The following TTN variants were observed in gnomAD, a reference collection of about 807,000 sequenced individuals.
TTN encodes connectin.
Under a neutral mutation model 3,223.0 loss-of-function variants are expected in TTN, and 1,525 were observed. The observed-to-expected ratio is 0.47, with a 90% confidence interval of 0.45 to 0.49. The LOEUF (loss-of-function observed/expected upper bound fraction) is 0.49, where lower values mean the gene tolerates loss of function less well. Ranked by LOEUF, TTN falls within the 20% of genes least tolerant of loss-of-function variation. The pLI is 0.00. For synonymous variants in TTN, 14,094 were observed against 15,161.0 expected (o/e 0.93, Z 5.17); for missense variants, 40,786 against 43,424.0 (o/e 0.94, Z 5.40).
intron 136 of TTN, 81 bp downstream of exon 136, chr2:178,681,580 C>A (rs1000081019): frequency 6.7e-7 from 1 of 1,491,642 alleles, no homozygotes; most frequent in Non-Finnish European, 9.2e-7. Flanking sequence ...TACACTGCCA[C>A]TTTTACATAT....
intron 27 of TTN, 29 bp downstream of exon 27, chr2:178,777,120 G>T (rs1462264632): frequency 6.2e-7 from 1 of 1,613,952 alleles, no homozygotes; most frequent in Non-Finnish European, 8.5e-7. Flanking sequence ...TTTGTATAAT[G>T]AGCTTAGCTT....
intron 147 of TTN, among the ~76,000 whole-genome samples, chr2:178,676,293 T>C (rs937509852): frequency 2.6e-5 from 4 of 151,924 alleles, no homozygotes; most frequent in Non-Finnish European, 4.4e-5. Context: ...TATCATTTCA[T>C]ACATTTAAAT....
chr2:178,616,237 A>AT (rs1011621259), intron 257 of TTN, among the ~76,000 whole-genome samples: 49 of 148,636 alleles, frequency 3.3e-4, no homozygotes, highest in African/African-American at 7.4e-4. Context: ...TCAGTAGGGA[A>AT]TTTTTTTTTT....
Position 178,647,116 on chromosome 2 carries a change from A to T in TTN, c.40170T>A (p.Tyr13390Ter), listed in dbSNP as rs1449716392. Residue 13390 changes from tyrosine (Y) to a stop codon, truncating the protein, a stop_gained, in exon 215 of 363, where the codon TAT becomes TAA. Transcript: ENST00000589042. LOFTEE classifies it high-confidence loss of function. ...EVEETPEEIIYEEKASITIGR... is the reference protein window; with the variant it reads ...EVEETPEEII ...CAATGGTTATAGATGCTTTTTCTTC[A>T]TATATTATTTCCTCAGGAGTCTCTT... 2 of 1,437,696 alleles carry T rather than the reference A, an allele frequency of 1.4e-6. No homozygotes were observed. The highest frequency in any genetic ancestry group is 2.6e-5 in the East Asian group (1 of 38,352). The allele number at this position is 1,437,696 out of a possible 1,614,324, so 89.1% of individuals were successfully genotyped here. A position where few individuals can be genotyped will look rare whatever the true frequency, so the allele number is the denominator to read the frequency against.
intron 74 of TTN, 27 bp downstream of exon 74, chr2:178,723,391 A>G: frequency 6.2e-7 from 1 of 1,604,954 alleles, no homozygotes; most frequent in Non-Finnish European, 8.5e-7. Context: ...TACAGAAAAC[A>G]GAAAAAGTGA....
At position 178,777,944 on chromosome 2, in the gene TTN, G is replaced by A. The variant is rs1412766623; in HGVS notation, c.4240C>T (p.Pro1414Ser). ...SLSPRSVSRSPIRMSPARMSP... is the reference protein window; with the variant it reads ...SLSPRSVSRSSIRMSPARMSP... ...ATCCGTGCAGGAGACATGCGTATAG[G>A]AGACCTGCTCACTGAACGTGGAGAG... The change falls in exon 25 of 363, where the codon CCT (proline) becomes TCT (serine). Residue 1414 changes from proline to serine, a missense_variant. Transcript: ENST00000589042. 5 of 1,613,808 alleles carry A rather than the reference G, an allele frequency of 3.1e-6. No individual in the cohort carries two copies. The Admixed American group carries it at 6.7e-5, about 22-fold the overall frequency.
chr2:178,561,993 G>A lies in TTN; in HGVS notation c.84139C>T (p.Pro28047Ser), dbSNP rs1390232115. 6.2e-7 allele frequency: 1 copy of A among 1,613,376 alleles called. No individual in the cohort carries two copies. Among genetic ancestry groups the A allele is most frequent in the Non-Finnish European group, 8.5e-7 (1 of 1,179,662 alleles). The change falls in exon 326 of 363, where the codon CCT (proline) becomes TCT (serine). Residue 28047 changes from proline to serine, a missense_variant. Pro to Ser is a moderately conservative substitution (Grantham distance 74). Coordinates refer to ENST00000589042, the MANE Select transcript of TTN (RefSeq NM_001267550.2). ...VSNSAGSITV[P>S]ITIIVLDRPG... ...CTGTCAAGGACAATTATAGTAATAG[G>A]AACTGTTATGGATCCAGCACTGTTT...
In TTN at chr2:178,650,238, T is replaced by A. The variant is rs1224909860; in HGVS notation, c.39743A>T (p.Glu13248Val). 6.3e-7 allele frequency: 1 copy of A among 1,593,918 alleles called. No homozygotes were observed. The highest frequency in any genetic ancestry group is 1.1e-5 in the South Asian group (1 of 87,868). Reference sequence around the variant, plus strand: ...CTTTTCCTCTTCAGGAGCAATTTCCTCTTCAGGAGCAATTTCCTCAGGTTC... The same window carrying A: ...CTTTTCCTCTTCAGGAGCAATTTCCACTTCAGGAGCAATTTCCTCAGGTTC... ...YEEPEEIAPE[E>V]EIAPEEEKPV... The change falls in exon 210 of 363, where the codon GAG becomes GTG. Residue 13248 changes from glutamate (E) to valine (V), a missense_variant. By Grantham distance (121) the Glu-to-Val change is moderately radical (BLOSUM62 -2). Coordinates refer to ENST00000589042, the MANE Select transcript of TTN (RefSeq NM_001267550.2).
Position 178,574,050 on chromosome 2 carries a change from T to G in TTN, c.72082A>C (p.Lys24028Gln). The change falls in exon 326 of 363, where the codon AAG becomes CAG. Residue 24028 changes from lysine (K) to glutamine (Q), a missense_variant. Lys to Gln is a moderately conservative substitution (Grantham distance 53). Transcript: ENST00000589042. ...TTAAATTTAACATCCACCTTTATCTTTGGTGCCTCAACATCATCCCTGCAA... is the reference window on the plus strand; with the variant it reads ...TTAAATTTAACATCCACCTTTATCTGTGGTGCCTCAACATCATCCCTGCAA... Reference protein sequence around the residue: ...ITCRDDVEAPKIKVDVKFKDT... With the variant: ...ITCRDDVEAPQIKVDVKFKDT... 6.2e-7 allele frequency: 1 copy of G among 1,613,406 alleles called. No individual in the cohort carries two copies. Among genetic ancestry groups the G allele is most frequent in the Non-Finnish European group, 8.5e-7 (1 of 1,179,544 alleles).
chr2:178,725,327 A>T, intron 71 of TTN, 41 bp downstream of exon 71: 1 of 1,430,886 alleles, frequency 7.0e-7, no homozygotes, highest in Non-Finnish European at 9.2e-7. Flanking sequence ...AATTCATTCC[A>T]GCATTTGGCA....
At position 178,740,459 on chromosome 2, in the gene TTN, T is replaced by G. The variant is rs2154318160; in HGVS notation, c.12774A>C (p.Gln4258His). The change falls in exon 48 of 363, where the codon CAA (glutamine) becomes CAC (histidine). Residue 4258 changes from glutamine (Q) to histidine (H), a missense_variant. Gln to His is a conservative substitution (Grantham distance 24). Coordinates refer to ENST00000589042, the MANE Select transcript of TTN (RefSeq NM_001267550.2). Reference sequence around the variant, plus strand: ...AGCTCTGACTCAAGATGAGCGCACTTTGTGCCTCTTGCTTTTGAAGAGTCA... The same window carrying G: ...AGCTCTGACTCAAGATGAGCGCACTGTGTGCCTCTTGCTTTTGAAGAGTCA... ...QRVTLQKQEAQSALILSQSLA... is the reference protein window; with the variant it reads ...QRVTLQKQEAHSALILSQSLA... 6.2e-7 allele frequency: 1 copy of G among 1,613,706 alleles called. No homozygotes were observed. The highest frequency in any genetic ancestry group is 8.5e-7 in the Non-Finnish European group (1 of 1,179,776).
rs754250350 is a variant in TTN, at chr2:178,578,805, C to A, written c.68224+1G>T. 6.2e-7 allele frequency: 1 copy of A among 1,609,794 alleles called. No individual in the cohort carries two copies. Among genetic ancestry groups the A allele is most frequent in the Non-Finnish European group, 8.5e-7 (1 of 1,177,750 alleles). ...ACGTCTTCTGAATTTAAGACACTTA[C>A]CAAATGGATGTCTCGCAACAATTGG... On this transcript the variant is annotated splice_donor_variant, in intron 320 of 362. Coordinates refer to ENST00000589042, the MANE Select transcript of TTN (RefSeq NM_001267550.2). LOFTEE classifies it high-confidence loss of function.
Position 178,558,612 on chromosome 2 carries a change from A to T in TTN, c.86847T>A (p.Leu28949=). ...ITEKPSPPEK[L]GVTSISKDSV... is the part of the protein sequence containing the mutation. ...TGTCTTTGGATATACTTGTTACTCC[A>T]AGTTTTTCAGGTGGGCTTGGTTTTT... is the stretch of plus-strand genomic sequence containing the variant. The change falls in exon 327 of 363, where the codon CTT becomes CTA. Residue 28949 remains leucine, a synonymous_variant. Transcript: ENST00000589042. 6.2e-7 allele frequency: 1 copy of T among 1,612,192 alleles called. No homozygotes were observed.
chr2:178,683,809 ACT>A (rs1491131054), intron 133 of TTN, among the ~76,000 whole-genome samples, 188 bp downstream of exon 133: 1 of 152,042 alleles, frequency 6.6e-6, no homozygotes, highest in African/African-American at 2.4e-5. Flanking sequence ...AAGAAGCCTC[ACT>A]TTTTTTTAAG....
In TTN at chr2:178,563,226, G is replaced by A; in HGVS notation, c.82906C>T (p.Leu27636Phe). The A allele has an allele frequency of 6.2e-7, 1 of 1,613,694 alleles. No homozygotes were observed. The highest frequency in any genetic ancestry group is 8.5e-7 in the Non-Finnish European group (1 of 1,179,710). The change falls in exon 326 of 363, where the codon CTT becomes TTT. Residue 27636 changes from leucine (L) to phenylalanine (F), a missense_variant. Transcript: ENST00000589042. This position sits in a 1 kb window ranked among gnomAD's most constrained non-coding sequence, Gnocchi z 4.5. ...AAGTTATATTCAGTGTTTTCTTTAAGCTTGGTCACTGTGAACTGCTTTCCT... is the reference window on the plus strand; with the variant it reads ...AAGTTATATTCAGTGTTTTCTTTAAACTTGGTCACTGTGAACTGCTTTCCT... ...LQGKQFTVTK[L>F]KENTEYNFRI...
At chr2:178,676,086 T>G (rs1171034229) in intron 147 of TTN, 91 bp from the exon 148 acceptor site, 8 of 1,213,456 alleles carry the variant, frequency 6.6e-6, no homozygotes, top group Non-Finnish European at 9.2e-6. Flanking sequence ...GACCAATGTG[T>G]TAACAGTCGC....
rs1483339595 is a variant in TTN, at chr2:178,770,458, G to A, written c.8334C>T (p.Gly2778=). The A allele has an allele frequency of 3.1e-6, 5 of 1,614,020 alleles. No individual in the cohort carries two copies. In the Admixed American group the frequency reaches 8.3e-5, roughly 27 times the overall value. Residue 2778 remains glycine (G), a synonymous_variant, in exon 35 of 363, where the codon GGC becomes GGT. Transcript: ENST00000589042. ...NCAIVDESVY[G]FRLGRLGASA... is the part of the protein sequence containing the mutation. ...TGGCTCCAAGCCTTCCAAGCCTGAAGCCATAAACAGACTCATCCACGATGG... is the reference window on the plus strand; with the variant it reads ...TGGCTCCAAGCCTTCCAAGCCTGAAACCATAAACAGACTCATCCACGATGG...
At chr2:178,537,278 T>C (rs781565260) in intron 355 of TTN, 35 bp from the exon 356 acceptor site, 32 of 1,542,070 alleles carry the variant, frequency 2.1e-5, no homozygotes, top group African/African-American at 6.9e-5. Flanking sequence ...GTGGTTTTCA[T>C]AGTGTGTTTT....
Position 178,591,876 on chromosome 2 carries a change from G to T in TTN, c.59943C>A (p.Pro19981=), listed in dbSNP as rs202017608. 1,873 of 1,610,950 alleles carry T rather than the reference G, an allele frequency of 1.2e-3. 21 individuals carry two copies. In the South Asian group the frequency reaches 0.012, roughly 10 times the overall value. Residue 19981 remains proline (P), a synonymous_variant, in exon 303 of 363, where the codon CCC becomes CCA. Coordinates refer to ENST00000589042, the MANE Select transcript of TTN (RefSeq NM_001267550.2). ...ALDPLHPPGP[P]KDLHHVDVDK... ...CAACATCTACATGGTGCAGGTCCTTGGGTGGCCCTGGGGGATCTTTTCAAA... is the reference window on the plus strand; with the variant it reads ...CAACATCTACATGGTGCAGGTCCTTTGGTGGCCCTGGGGGATCTTTTCAAA...
Sources: gnomAD v4.1 joint callset for allele counts (sites outside exome capture counted in the v4.1 genomes callset) on GRCh38, gnomAD v4.1.1 for gene constraint, Gnocchi (gnomAD v3.1) non-coding constraint, MANE v1.5 for transcripts, NCBI Gene and HGNC (gene_info 2026-07-23, HGNC 2026-07-21) for gene names.